The following CMSS1 variants were observed in gnomAD, a reference collection of about 807,000 sequenced individuals.
CMSS1 encodes the protein protein CMSS1.
A neutral mutation model predicts 43.5 loss-of-function variants in CMSS1; 33 were observed. The observed-to-expected ratio is 0.76, with a 90% CI of 0.57 to 1.01. CMSS1 has a LOEUF of 1.01. CMSS1 is among the 50% of genes least tolerant of loss of function. The probability of loss-of-function intolerance (pLI) is 0.00; values close to 1 mark genes in which losing one functional copy is unlikely to be tolerated. For missense variants in CMSS1, 313 were observed against 326.4 expected (o/e 0.96, Z 0.32); for synonymous variants, 115 against 117.2 (o/e 0.98, Z 0.12).
chr3:99,903,868 G>T (rs112234003), intron 1 of CMSS1, among the ~76,000 whole-genome samples: 2 of 151,958 alleles, frequency 1.3e-5, no homozygotes, highest in African/African-American at 2.4e-5. Context: ...TAGAGCTGTC[G>T]TCCCCTGCTG....
chr3:100,015,521 A>C (rs1576642813), intron 1 of CMSS1, among the ~76,000 whole-genome samples: 2 of 152,200 alleles, frequency 1.3e-5, no homozygotes, highest in Non-Finnish European at 2.9e-5. Context: ...TGAACACAGG[A>C]TATCTTTCCA....
At chr3:99,840,882 A>G (rs948242255) in intron 1 of CMSS1, among the ~76,000 whole-genome samples, 2 of 152,188 alleles carry the variant, frequency 1.3e-5, no homozygotes, top group African/African-American at 4.8e-5. Flanking sequence ...TTTTCACTTA[A>G]CTGAGGCTTT....
intron 1 of CMSS1, among the ~76,000 whole-genome samples, chr3:99,993,830 G>A (rs549498908): frequency 6.6e-6 from 1 of 152,076 alleles, no homozygotes; most frequent in Non-Finnish European, 1.5e-5. Context: ...AATCGTACTT[G>A]ATCATGATAT....
intron 1 of CMSS1, among the ~76,000 whole-genome samples, chr3:99,957,249 G>A (rs1417408830): frequency 6.6e-6 from 1 of 152,082 alleles, no homozygotes; most frequent in Non-Finnish European, 1.5e-5. Flanking sequence ...AGTAGTAACA[G>A]CAGCGAATGA....
chr3:100,181,092 A>AGGG lies in CMSS1; in HGVS notation c.*2707_*2709dup, dbSNP rs1029985678. Reference sequence around the variant, plus strand: ...AGAACTCACTATCATGAGAACAGCAAGGGGGAAATCTGCCCCCATGATCTA... The same window carrying AGGG: ...AGAACTCACTATCATGAGAACAGCAAGGGGGGGGAAATCTGCCCCCATGATCTA... On this transcript the variant is annotated 3_prime_UTR_variant, in exon 10 of 10. Coordinates refer to ENST00000421999, the MANE Select transcript of CMSS1 (RefSeq NM_032359.4). 10 of 152,192 alleles carry AGGG rather than the reference A, an allele frequency of 6.6e-5. No homozygotes were observed. Among genetic ancestry groups the AGGG allele is most frequent in the African/African-American group, 2.4e-4 (10 of 41,422 alleles). The allele number at this position is 152,192 out of a possible 1,614,324, so 9.4% of individuals were successfully genotyped here.
chr3:100,122,016 T>A (rs2066625407), intron 1 of CMSS1, among the ~76,000 whole-genome samples: 1 of 151,786 alleles, frequency 6.6e-6, no homozygotes, highest in Non-Finnish European at 1.5e-5. Context: ...AAGGAACGAG[T>A]AGCAAGAGAC....
chr3:99,855,240 A>C (rs1943903942), intron 1 of CMSS1, among the ~76,000 whole-genome samples: 1 of 152,176 alleles, frequency 6.6e-6, no homozygotes, highest in Non-Finnish European at 1.5e-5. Context: ...ATTAACTAAA[A>C]TCTGTCCACA....
chr3:100,068,875 A>G (rs746179681), intron 1 of CMSS1, among the ~76,000 whole-genome samples: 9 of 152,118 alleles, frequency 5.9e-5, no homozygotes, highest in Non-Finnish European at 8.8e-5. Flanking sequence ...TTGTGATTTC[A>G]GAGGTTATTT....
intron 6 of CMSS1, among the ~76,000 whole-genome samples, chr3:100,170,654 T>TAATG (rs2067102752): frequency 6.6e-6 from 1 of 152,252 alleles, no homozygotes; most frequent in African/African-American, 2.4e-5. Context: ...CCTGGACAGA[T>TAATG]AATGTTATGT....
chr3:100,108,353 A>G (rs528338085), intron 1 of CMSS1, among the ~76,000 whole-genome samples: 2 of 152,270 alleles, frequency 1.3e-5, no homozygotes, highest in African/African-American at 4.8e-5. Flanking sequence ...ACAGCCTCTC[A>G]TTATTGAGCA....
intron 1 of CMSS1, among the ~76,000 whole-genome samples, chr3:100,035,234 G>A (rs750300921): frequency 6.6e-6 from 1 of 152,068 alleles, no homozygotes; most frequent in Non-Finnish European, 1.5e-5. Context: ...ATTCATAAAT[G>A]AATGTCCATG....
At chr3:99,967,298 G>A (rs1276862790) in intron 1 of CMSS1, among the ~76,000 whole-genome samples, 1 of 152,182 alleles carries the variant, frequency 6.6e-6, no homozygotes, top group African/African-American at 2.4e-5. Context: ...TTAGAGGATA[G>A]TGTTGGTAAT....
At chr3:100,087,342 A>C (rs2066026468) in intron 1 of CMSS1, among the ~76,000 whole-genome samples, 1 of 152,244 alleles carries the variant, frequency 6.6e-6, no homozygotes, top group Non-Finnish European at 1.5e-5. Context: ...CCAGTTGCTC[A>C]GCAACCTCAC....
chr3:99,901,480 C>T (rs976958011), intron 1 of CMSS1, among the ~76,000 whole-genome samples: 1 of 152,170 alleles, frequency 6.6e-6, no homozygotes, highest in African/African-American at 2.4e-5. Flanking sequence ...CAAAATGCCT[C>T]AGAATGAAAC....
intron 1 of CMSS1, chr3:99,833,205 A>C: frequency 6.2e-7 from 1 of 1,601,196 alleles, no homozygotes. Context: ...TGGGATTTGG[A>C]ATGCCTTAAA....
intron 1 of CMSS1, among the ~76,000 whole-genome samples, chr3:100,017,780 A>G (rs866314327): frequency 6.6e-6 from 1 of 152,124 alleles, no homozygotes; most frequent in Non-Finnish European, 1.5e-5. Context: ...CAAAAAAAAG[A>G]AACACTGGTC....
intron 1 of CMSS1, among the ~76,000 whole-genome samples, chr3:100,120,420 G>A (rs2107491004): frequency 6.6e-6 from 1 of 152,270 alleles, no homozygotes; most frequent in Non-Finnish European, 1.5e-5. Context: ...CTTCTCCTTG[G>A]CTAAAAGATT....
chr3:100,055,028 C>T (rs1028740568), intron 1 of CMSS1, among the ~76,000 whole-genome samples: 7 of 152,150 alleles, frequency 4.6e-5, no homozygotes, highest in Admixed American at 2.6e-4. Context: ...GTGCTTTACC[C>T]TTTACCTCCT....
chr3:99,890,386 T>C (rs1308349849), intron 1 of CMSS1, among the ~76,000 whole-genome samples: 4 of 152,172 alleles, frequency 2.6e-5, no homozygotes, highest in African/African-American at 7.2e-5. Flanking sequence ...AGTCTGTAGA[T>C]TAGTGTCTTT....
Sources: gnomAD v4.1 joint callset for allele counts (sites outside exome capture counted in the v4.1 genomes callset) on GRCh38, gnomAD v4.1.1 for gene constraint, MANE v1.5 for transcripts, NCBI Gene and HGNC (gene_info 2026-07-23, HGNC 2026-07-21) for gene names.